The following ARID3B variants were observed in gnomAD, a reference collection of about 807,000 sequenced individuals.
The protein encoded by ARID3B is AT-rich interaction domain 3B, also known as AT-rich interactive domain-containing protein 3B.
ARID3B carries 10 observed loss-of-function variants against 51.9 expected under a neutral mutation model. The ratio of observed to expected loss-of-function variants is 0.19; its 90% CI spans 0.12 to 0.33. The LOEUF is 0.33. Ranked by LOEUF, ARID3B falls within the 10% of genes least tolerant of loss-of-function variation. The pLI, the probability that ARID3B is intolerant of heterozygous loss-of-function variation, is 1.00. For missense variants in ARID3B, 483 were observed against 716.3 expected (o/e 0.67, Z 3.72); for synonymous variants, 205 against 279.5 (o/e 0.73, Z 2.66).
chr15:74,585,912 G>GCGCCAC (rs1258365418), intron 4 of ARID3B, among the ~76,000 whole-genome samples: 2 of 152,250 alleles, frequency 1.3e-5, no homozygotes, highest in Non-Finnish European at 2.9e-5. Flanking sequence ...ATGGGAGAAA[G>GCGCCAC]CGCCACTGTC....
chr15:74,545,515 T>C (rs2061612475), intron 2 of ARID3B, among the ~76,000 whole-genome samples: 1 of 152,232 alleles, frequency 6.6e-6, no homozygotes, highest in Non-Finnish European at 1.5e-5. Context: ...CTCTTCTCTT[T>C]GTGACCCATA....
At chr15:74,593,542 T>C (rs539287718) in intron 8 of ARID3B, among the ~76,000 whole-genome samples, 1 of 152,224 alleles carries the variant, frequency 6.6e-6, no homozygotes, top group Non-Finnish European at 1.5e-5. Flanking sequence ...ATGCACAGCC[T>C]TTCTCTGACT....
chr15:74,546,187 C>T (rs2061614969), intron 2 of ARID3B, among the ~76,000 whole-genome samples: 2 of 152,224 alleles, frequency 1.3e-5, no homozygotes, highest in South Asian at 4.1e-4. Flanking sequence ...ACCCTGGCCG[C>T]CAGCCCAGAC....
chr15:74,568,661 A>G (rs2061708574), intron 2 of ARID3B, among the ~76,000 whole-genome samples: 1 of 152,138 alleles, frequency 6.6e-6, no homozygotes, highest in African/African-American at 2.4e-5. Flanking sequence ...GAATGTAGGT[A>G]TAGTAGCCAA....
At chr15:74,568,021 C>CT (rs1294189514) in intron 2 of ARID3B, among the ~76,000 whole-genome samples, 3 of 152,218 alleles carry the variant, frequency 2.0e-5, no homozygotes, top group Non-Finnish European at 4.4e-5. Context: ...GCCCTCTTCT[C>CT]TTTTTCTCCT....
At position 74,589,734 on chromosome 15, in the gene ARID3B, C is replaced by T. The variant is rs1049560606; in HGVS notation, c.698-86C>T. On this transcript the variant is annotated intron_variant, in intron 4 of 8. Coordinates refer to ENST00000346246, the MANE Select transcript of ARID3B (RefSeq NM_006465.4). ...CCAGGTTGATGAGCATTGTTTCCAG[C>T]TCGGCTAAAGGTGGGCATACACGGA... is the stretch of plus-strand genomic sequence containing the variant. 8.1e-6 allele frequency: 11 copies of T among 1,362,190 alleles called. No homozygotes were observed. In the African/African-American group the frequency reaches 1.5e-4, roughly 18 times the overall value. 84.4% of individuals were successfully genotyped at this position (1,362,190 alleles called of 1,614,324 possible).
intron 2 of ARID3B, among the ~76,000 whole-genome samples, chr15:74,560,770 G>A (rs1341010294): frequency 6.6e-6 from 1 of 152,200 alleles, no homozygotes; most frequent in Non-Finnish European, 1.5e-5. Context: ...ATGTACTTGT[G>A]TATGTGTGTG....
intron 4 of ARID3B, 93 bp from the exon 5 acceptor site, chr15:74,589,727 T>C (rs997152512): frequency 3.8e-5 from 50 of 1,328,260 alleles, no homozygotes; most frequent in Non-Finnish European, 4.8e-5. Flanking sequence ...ATGAGCATTG[T>C]TTCCAGCTCG....
chr15:74,592,623 C>T (rs1042142288), intron 7 of ARID3B, among the ~76,000 whole-genome samples: 1 of 152,228 alleles, frequency 6.6e-6, no homozygotes, highest in African/African-American at 2.4e-5. Flanking sequence ...TGGGGTGAGC[C>T]AGCCAAAGGC....
intron 2 of ARID3B, among the ~76,000 whole-genome samples, chr15:74,553,939 T>G (rs1056179646): frequency 6.6e-6 from 1 of 152,118 alleles, no homozygotes; most frequent in Non-Finnish European, 1.5e-5. Flanking sequence ...TTCTCCTGCC[T>G]CAGCCTCCTG....
intron 1 of ARID3B, among the ~76,000 whole-genome samples, 158 bp from the exon 2 acceptor site, chr15:74,543,702 A>AC (rs1459136506): frequency 6.6e-6 from 1 of 151,648 alleles, no homozygotes; most frequent in Non-Finnish European, 1.5e-5. Context: ...CACCCACGAA[A>AC]CCCCCACCAC....
intron 4 of ARID3B, among the ~76,000 whole-genome samples, chr15:74,579,919 A>G (rs1380361435): frequency 6.6e-6 from 1 of 151,670 alleles, no homozygotes; most frequent in Non-Finnish European, 1.5e-5. Context: ...AGCTGGACGC[A>G]TTGGCTCATG....
At chr15:74,555,877 C>T (rs1206594543) in intron 2 of ARID3B, among the ~76,000 whole-genome samples, 3 of 148,842 alleles carry the variant, frequency 2.0e-5, no homozygotes, top group South Asian at 2.1e-4. Context: ...CTGCAAGCTC[C>T]GCCTCCCAGG....
intron 2 of ARID3B, among the ~76,000 whole-genome samples, chr15:74,557,810 C>T (rs1402063193): frequency 3.4e-5 from 5 of 145,704 alleles, no homozygotes; most frequent in African/African-American, 5.1e-5. Flanking sequence ...TTCTAGGTTT[C>T]GACTTACTTT....
intron 4 of ARID3B, among the ~76,000 whole-genome samples, chr15:74,587,755 A>G (rs1478331491): frequency 6.6e-6 from 1 of 152,142 alleles, no homozygotes; most frequent in Non-Finnish European, 1.5e-5. Context: ...GGGAAGGTTT[A>G]CTGTCCAGAA....
chr15:74,573,303 TCCAG>T, intron 4 of ARID3B, 99 bp downstream of exon 4: 1 of 1,318,764 alleles, frequency 7.6e-7, no homozygotes, highest in Non-Finnish European at 1.1e-6. Flanking sequence ...CTAATCCTCA[TCCAG>T]GAGGAGAAGA....
At chr15:74,584,624 A>C (rs1374786045) in intron 4 of ARID3B, among the ~76,000 whole-genome samples, 1 of 152,070 alleles carries the variant, frequency 6.6e-6, no homozygotes, top group African/African-American at 2.4e-5. Flanking sequence ...CTTTCCCTTC[A>C]ACACTCTTAC....
intron 1 of ARID3B, 94 bp from the exon 2 acceptor site, chr15:74,543,766 T>G: frequency 1.3e-6 from 1 of 765,190 alleles, no homozygotes; most frequent in Non-Finnish European, 2.1e-6. Flanking sequence ...TCGGAACTCA[T>G]GGCCCTCTAC....
chr15:74,551,668 C>G (rs1489075182), intron 2 of ARID3B, among the ~76,000 whole-genome samples: 1 of 152,184 alleles, frequency 6.6e-6, no homozygotes, highest in Non-Finnish European at 1.5e-5. Flanking sequence ...AACCTTTAAT[C>G]TTAAATTTTA....
Sources: gnomAD v4.1 joint callset for allele counts (sites outside exome capture counted in the v4.1 genomes callset) on GRCh38, gnomAD v4.1.1 for gene constraint, MANE v1.5 for transcripts, NCBI Gene and HGNC (gene_info 2026-07-23, HGNC 2026-07-21) for gene names.